Variants in KIAA0825 observed in about 807,000 individuals in gnomAD.
The protein encoded by KIAA0825 is uncharacterized protein KIAA0825.
Under a neutral mutation model 147.6 loss-of-function variants are expected in KIAA0825, and 119 were observed. The observed-to-expected ratio is 0.81, with a 90% CI of 0.69 to 0.94. The LOEUF (loss-of-function observed/expected upper bound fraction) is 0.94. KIAA0825 is among the 40% of genes least tolerant of loss of function. The pLI is 0.00. For missense variants in KIAA0825, 1,381 were observed against 1,472.7 expected, an observed-to-expected ratio of 0.94 and a Z score of 1.02; for synonymous variants, 470 against 518.1, an observed-to-expected ratio of 0.91 and a Z score of 1.26.
At chr5:94,235,577 A>G (rs1022539367) in intron 20 of KIAA0825, among the ~76,000 whole-genome samples, 5 of 152,228 alleles carry the variant, frequency 3.3e-5, no homozygotes, top group African/African-American at 1.2e-4. Flanking sequence ...AGCTAAGATC[A>G]CTGAAGAAGG....
chr5:94,232,571 C>T (rs1241550666), intron 20 of KIAA0825, among the ~76,000 whole-genome samples: 1 of 151,990 alleles, frequency 6.6e-6, no homozygotes, highest in Non-Finnish European at 1.5e-5. Flanking sequence ...ATGATAGATT[C>T]AACTGTTGTT....
At chr5:94,228,779 A>G (rs543737448) in intron 20 of KIAA0825, among the ~76,000 whole-genome samples, 33 of 152,362 alleles carry the variant, frequency 2.2e-4, no homozygotes, top group African/African-American at 7.7e-4. Flanking sequence ...TTAAAAGCCT[A>G]TCATATTTTC....
intron 5 of KIAA0825, among the ~76,000 whole-genome samples, chr5:94,485,599 C>T (rs925994343): frequency 3.3e-5 from 5 of 151,056 alleles, no homozygotes. Flanking sequence ...GGACTATTTT[C>T]AGTTCAAGAA....
At chr5:94,601,227 C>T (rs1007193900) in intron 1 of KIAA0825, among the ~76,000 whole-genome samples, 5 of 152,150 alleles carry the variant, frequency 3.3e-5, no homozygotes, top group Admixed American at 6.5e-5. Context: ...CGGTAGGCTG[C>T]CATCTTTACT....
chr5:94,364,270 G>C (rs564192751), intron 20 of KIAA0825, among the ~76,000 whole-genome samples: 1 of 151,854 alleles, frequency 6.6e-6, no homozygotes, highest in Non-Finnish European at 1.5e-5. Flanking sequence ...GGTCTTCGAC[G>C]GGCAGAGTAG....
intron 20 of KIAA0825, among the ~76,000 whole-genome samples, chr5:94,274,782 C>A (rs906639557): frequency 6.6e-6 from 1 of 152,130 alleles, no homozygotes; most frequent in Admixed American, 6.6e-5. Flanking sequence ...TCAGACAATT[C>A]TCCCCTTGCA....
At chr5:94,399,151 T>C (rs1751051061) in intron 16 of KIAA0825, among the ~76,000 whole-genome samples, 1 of 152,180 alleles carries the variant, frequency 6.6e-6, no homozygotes, top group Admixed American at 6.6e-5. Context: ...GTTTTCTTTT[T>C]ATTCAAATTA....
chr5:94,608,294 C>T (rs1347188364), intron 1 of KIAA0825, among the ~76,000 whole-genome samples: 1 of 137,988 alleles, frequency 7.2e-6, no homozygotes, highest in African/African-American at 2.7e-5. Context: ...TAGAGTCTCA[C>T]TCTGTTGCCT....
intron 2 of KIAA0825, among the ~76,000 whole-genome samples, chr5:94,553,921 G>A (rs1309945039): frequency 1.3e-5 from 2 of 152,114 alleles, no homozygotes; most frequent in Non-Finnish European, 2.9e-5. Flanking sequence ...GCTCTTCAAC[G>A]GACTTGACTA....
intron 2 of KIAA0825, among the ~76,000 whole-genome samples, chr5:94,581,053 A>C (rs1782073316): frequency 6.6e-6 from 1 of 152,168 alleles, no homozygotes; most frequent in African/African-American, 2.4e-5. Flanking sequence ...TTTCCAAGGC[A>C]GGGCTTACCT....
intron 20 of KIAA0825, among the ~76,000 whole-genome samples, chr5:94,355,408 C>A (rs1784135581): frequency 6.6e-6 from 1 of 152,146 alleles, no homozygotes; most frequent in Admixed American, 6.5e-5. Flanking sequence ...TTTTTATTTT[C>A]TTCTTTGTCA....
intron 20 of KIAA0825, among the ~76,000 whole-genome samples, chr5:94,343,557 C>A (rs558849591): frequency 2.6e-5 from 4 of 152,066 alleles, no homozygotes; most frequent in African/African-American, 9.6e-5. Context: ...GGCCTAGTGG[C>A]GGGCGCCTGT....
chr5:94,175,200 C>A (rs1393818443), intron 20 of KIAA0825, among the ~76,000 whole-genome samples: 3 of 152,146 alleles, frequency 2.0e-5, no homozygotes, highest in Admixed American at 2.0e-4. Context: ...AATTAGCTCA[C>A]CCATTATCTC....
intron 14 of KIAA0825, among the ~76,000 whole-genome samples, chr5:94,429,476 T>A (rs1467716310): frequency 1.3e-5 from 2 of 152,196 alleles, no homozygotes; most frequent in Non-Finnish European, 1.5e-5. Context: ...GCACTTCTTT[T>A]GGCAGGTTTT....
chr5:94,402,514 A>G (rs1350339442), intron 16 of KIAA0825, among the ~76,000 whole-genome samples: 3 of 152,012 alleles, frequency 2.0e-5, no homozygotes, highest in Non-Finnish European at 4.4e-5. Flanking sequence ...CTTGGACAGA[A>G]TTAAAGCATT....
At chr5:94,541,245 G>A (rs780926158) in intron 2 of KIAA0825, among the ~76,000 whole-genome samples, 1 of 152,146 alleles carries the variant, frequency 6.6e-6, no homozygotes, top group African/African-American at 2.4e-5. Context: ...CTGCACTTCT[G>A]TCTGGGTCCC....
At chr5:94,541,084 T>C (rs1284986039) in intron 2 of KIAA0825, among the ~76,000 whole-genome samples, 6 of 152,224 alleles carry the variant, frequency 3.9e-5, no homozygotes, top group Admixed American at 3.9e-4. Context: ...AAAGGGAATT[T>C]ATGCAAGAAA....
At chr5:94,581,143 CAT>C (rs903790967) in intron 2 of KIAA0825, among the ~76,000 whole-genome samples, 9 of 151,790 alleles carry the variant, frequency 5.9e-5, no homozygotes, top group African/African-American at 1.7e-4. Flanking sequence ...AATAGTGAAA[CAT>C]GTGGTTCTTT....
intron 1 of KIAA0825, among the ~76,000 whole-genome samples, chr5:94,606,480 G>A (rs893420733): frequency 2.0e-5 from 3 of 152,148 alleles, no homozygotes; most frequent in Non-Finnish European, 4.4e-5. Flanking sequence ...AAAGCTGGAG[G>A]AACGGTGTTA....
Sources: gnomAD v4.1 joint callset for allele counts (sites outside exome capture counted in the v4.1 genomes callset) on GRCh38, gnomAD v4.1.1 for gene constraint, MANE v1.5 for transcripts, NCBI Gene and HGNC (gene_info 2026-07-23, HGNC 2026-07-21) for gene names.